Variants in DHRSX observed in about 807,000 individuals in gnomAD.
DHRSX encodes polyprenol dehydrogenase.
Under a neutral mutation model 34.0 loss-of-function variants are expected in DHRSX, and 31 were observed. The observed-to-expected ratio is 0.91, with a 90% CI of 0.69 to 1.23. The LOEUF is 1.23. DHRSX is among the 50% of genes most tolerant of loss of function. DHRSX has a pLI of 0.00. For missense variants in DHRSX, 414 were observed against 428.1 expected (o/e 0.97, Z 0.29); for synonymous variants, 201 against 183.8 (o/e 1.09, Z -0.76).
At chrX:2,417,706 T>A (rs1569498872) in intron 2 of DHRSX, among the ~76,000 whole-genome samples, 1 of 152,064 alleles carries the variant, frequency 6.6e-6, no homozygotes, top group Non-Finnish European at 1.5e-5. Flanking sequence ...ATCACCATGA[T>A]CTGATCCAGC....
At chrX:2,236,495 G>A (rs753362185) in intron 6 of DHRSX, among the ~76,000 whole-genome samples, 37 of 152,170 alleles carry the variant, frequency 2.4e-4, no homozygotes, top group African/African-American at 8.7e-4. Context: ...GCAGTGGCGC[G>A]ATCTCGGCTC....
chrX:2,359,969 T>C (rs1209716270), intron 3 of DHRSX, among the ~76,000 whole-genome samples: 1 of 152,162 alleles, frequency 6.6e-6, no homozygotes, highest in East Asian at 1.9e-4. Flanking sequence ...TAATGGGTAC[T>C]GGGCTTAATA....
intron 4 of DHRSX, among the ~76,000 whole-genome samples, chrX:2,277,011 A>G (rs373426204): frequency 5.3e-3 from 196 of 36,992 alleles, no homozygotes; most frequent in South Asian, 0.024. Flanking sequence ...GAGAGGGAAC[A>G]GGGAGAGAGA....
intron 1 of DHRSX, among the ~76,000 whole-genome samples, chrX:2,455,761 A>C (rs35341395): frequency 2.0e-5 from 3 of 150,566 alleles, no homozygotes; most frequent in Non-Finnish European, 3.0e-5. Flanking sequence ...AAAAAAAAAA[A>C]CAATAAAAAG....
At chrX:2,485,701 G>C (rs1319318861) in intron 1 of DHRSX, among the ~76,000 whole-genome samples, 3 of 95,058 alleles carry the variant, frequency 3.2e-5, no homozygotes, top group Non-Finnish European at 6.3e-5. Flanking sequence ...AGAGAGGGAG[G>C]GGAGGGAGGG....
At chrX:2,275,361 T>G (rs887223168) in intron 4 of DHRSX, among the ~76,000 whole-genome samples, 2 of 96,864 alleles carry the variant, frequency 2.1e-5, no homozygotes, top group African/African-American at 3.2e-5. Context: ...AAAAAAAAAT[T>G]AGCTGAGTGT....
intron 1 of DHRSX, among the ~76,000 whole-genome samples, chrX:2,470,149 G>A (rs1285106660): frequency 1.3e-5 from 2 of 150,894 alleles, no homozygotes; most frequent in Non-Finnish European, 2.9e-5. Context: ...CAGGCACAGA[G>A]AGACAAATAC....
chrX:2,331,439 T>G (rs1432713192), intron 3 of DHRSX, among the ~76,000 whole-genome samples: 14 of 64,356 alleles, frequency 2.2e-4, no homozygotes, highest in African/African-American at 1.2e-3. Flanking sequence ...TTTTTTGGTT[T>G]TTTTTTTTTT....
At chrX:2,341,668 T>G (rs867125200) in intron 3 of DHRSX, among the ~76,000 whole-genome samples, 132 of 82,904 alleles carry the variant, frequency 1.6e-3, no homozygotes, top group Middle Eastern at 6.6e-3. Flanking sequence ...TTTTTTTTGG[T>G]GGGGGTGGGG....
At chrX:2,358,503 C>G (rs2042886127) in intron 3 of DHRSX, among the ~76,000 whole-genome samples, 1 of 152,052 alleles carries the variant, frequency 6.6e-6, no homozygotes, top group South Asian at 2.1e-4. Context: ...CAAGACCATC[C>G]TGGCTAACAC....
At chrX:2,318,566 T>A (rs765029207) in intron 3 of DHRSX, among the ~76,000 whole-genome samples, 15 of 152,276 alleles carry the variant, frequency 9.9e-5, no homozygotes, top group African/African-American at 3.6e-4. Flanking sequence ...CATTCGCTGC[T>A]AAAAGACACT....
intron 1 of DHRSX, among the ~76,000 whole-genome samples, chrX:2,434,923 C>T (rs1009937314): frequency 2.0e-5 from 3 of 152,062 alleles, no homozygotes; most frequent in Non-Finnish European, 4.4e-5. Context: ...CCAGGGAATT[C>T]TATTGAGTGA....
At chrX:2,328,830 C>T (rs1361563677) in intron 3 of DHRSX, among the ~76,000 whole-genome samples, 1 of 152,086 alleles carries the variant, frequency 6.6e-6, no homozygotes, top group Non-Finnish European at 1.5e-5. Context: ...GCAGAGTACC[C>T]CAGCATCTTT....
intron 5 of DHRSX, among the ~76,000 whole-genome samples, chrX:2,249,189 A>AT (rs1253442958): frequency 3.1e-5 from 3 of 95,888 alleles, no homozygotes; most frequent in African/African-American, 7.8e-5. Context: ...AAAATCATAA[A>AT]TCTTTTTTTT....
intron 3 of DHRSX, among the ~76,000 whole-genome samples, chrX:2,405,621 C>T (rs2043543442): frequency 6.6e-6 from 1 of 151,840 alleles, no homozygotes; most frequent in Non-Finnish European, 1.5e-5. Context: ...ACCTGGGCAA[C>T]AAGGCAAAAC....
chrX:2,272,501 T>C (rs1462472932), intron 4 of DHRSX, among the ~76,000 whole-genome samples: 1 of 152,168 alleles, frequency 6.6e-6, no homozygotes, highest in Admixed American at 6.5e-5. Flanking sequence ...GTTAATTCTT[T>C]TGTAGAATGC....
intron 5 of DHRSX, among the ~76,000 whole-genome samples, chrX:2,244,259 T>C (rs764767119): frequency 2.0e-4 from 31 of 152,010 alleles, no homozygotes; most frequent in African/African-American, 7.5e-4. Flanking sequence ...CAGGACATAG[T>C]GATAAAAATC....
Position 2,300,299 on chromosome X carries a change from C to G in DHRSX, c.287-8696G>C, listed in dbSNP as rs1054523930. ...ACTCCAATGTGACTTTATTTGCAGA[C>G]AGGGCCTGTAGGAGCTCAAAAGGGT... On this transcript the variant is annotated intron_variant, in intron 3 of 6. Coordinates refer to ENST00000334651, the MANE Select transcript of DHRSX (RefSeq NM_145177.3). 5.8e-4 allele frequency among the ~76,000 whole-genome samples: 88 copies of G among 152,260 alleles called. 1 individual carries two copies. The highest frequency in any genetic ancestry group is 2.6e-3 in the Admixed American group (39 of 15,276).
At chrX:2,370,846 C>G (rs192514173) in intron 3 of DHRSX, among the ~76,000 whole-genome samples, 1 of 152,152 alleles carries the variant, frequency 6.6e-6, no homozygotes, top group Admixed American at 6.6e-5. Context: ...GATCAAGCAA[C>G]GCTTCCTTAG....
Sources: gnomAD v4.1 joint callset for allele counts (sites outside exome capture counted in the v4.1 genomes callset) on GRCh38, gnomAD v4.1.1 for gene constraint, MANE v1.5 for transcripts, NCBI Gene and HGNC (gene_info 2026-07-23, HGNC 2026-07-21) for gene names.